MAP3K2: variants seen among roughly 807,000 people sequenced by gnomAD.
The protein encoded by MAP3K2 is MAP/ERK kinase kinase 2.
MAP3K2 carries 24 observed loss-of-function variants against 80.3 expected under a neutral mutation model. That is an observed-to-expected ratio of 0.30 (90% CI 0.22 to 0.42). The LOEUF (loss-of-function observed/expected upper bound fraction) is 0.42. Ranked by LOEUF, MAP3K2 falls within the 10% of genes least tolerant of loss-of-function variation. The probability of loss-of-function intolerance (pLI) is 1.00; values close to 1 mark genes in which losing one functional copy is unlikely to be tolerated. For missense variants in MAP3K2, 608 were observed against 750.1 expected (o/e 0.81, Z 2.21); for synonymous variants, 244 against 253.7 (o/e 0.96, Z 0.36).
rs1270815805 is a variant in MAP3K2 at position 127,299,242 on chromosome 2, A to T, written c.*8337T>A. 1 of 152,192 alleles carries T rather than the reference A, an allele frequency of 6.6e-6. No homozygotes were observed. Among genetic ancestry groups the T allele is most frequent in the Non-Finnish European group, 1.5e-5 (1 of 68,026 alleles). The allele number at this position is 152,192 out of a possible 1,614,324, so 9.4% of individuals were successfully genotyped here. A position where few individuals can be genotyped will look rare whatever the true frequency, so the allele number is the denominator to read the frequency against. ...TTAAAACAAAGTTTTCTTTAATACTACATTGTCTGATTGGAAATTTCATTT... is the reference window on the plus strand; with the variant it reads ...TTAAAACAAAGTTTTCTTTAATACTTCATTGTCTGATTGGAAATTTCATTT... On this transcript the variant is annotated 3_prime_UTR_variant, in exon 17 of 17. Coordinates refer to ENST00000682094, the MANE Select transcript of MAP3K2 (RefSeq NM_001371910.2).
rs944689371 is a variant in MAP3K2 at position 127,308,866 on chromosome 2, C to T, written c.1457-104G>A. The T allele has an allele frequency of 4.6e-5, 57 of 1,227,856 alleles. No homozygotes were observed. In the African/African-American group the frequency reaches 7.5e-4, roughly 16 times the overall value. The allele number at this position is 1,227,856 out of a possible 1,614,324, so 76.1% of individuals were successfully genotyped here. On this transcript the variant is annotated intron_variant, in intron 15 of 16. Transcript: ENST00000682094. ...TTACTTCATAGACTCTTTGATTTGT[C>T]CCCAAAGTTAGGCTGCTTTTCATCC...
intron 13 of MAP3K2, 107 bp downstream of exon 13, chr2:127,318,062 T>TTA: frequency 1.1e-6 from 1 of 900,488 alleles, no homozygotes; most frequent in Non-Finnish European, 1.5e-6. Context: ...TTTTTTTTTT[T>TTA]GAAAAAAAAT....
chr2:127,335,684 C>T lies in MAP3K2; in HGVS notation c.264+186G>A, dbSNP rs546905485. On this transcript the variant is annotated intron_variant, in intron 5 of 16. Transcript: ENST00000682094. ...TCATTCAATTATTTGCATAGTAGCA[C>T]CCTCTATTATTTTCCACAATGAAAT... Among the ~76,000 whole-genome samples the T allele has an allele frequency of 2.0e-5, 3 of 152,310 alleles. No individual in the cohort carries two copies. The South Asian group carries it at 6.2e-4, about 32-fold the overall frequency.
chr2:127,340,035 C>G (rs1441897861), intron 2 of MAP3K2, among the ~76,000 whole-genome samples: 1 of 152,152 alleles, frequency 6.6e-6, no homozygotes, highest in Non-Finnish European at 1.5e-5. Flanking sequence ...CTCAAACACA[C>G]AAACAGCTGA....
At chr2:127,319,336 C>A (rs1490059103) in intron 12 of MAP3K2, among the ~76,000 whole-genome samples, 1 of 151,662 alleles carries the variant, frequency 6.6e-6, no homozygotes, top group Non-Finnish European at 1.5e-5. Flanking sequence ...GGAAGGTGGG[C>A]AAGCCCATCT....
At chr2:127,387,289 T>G (rs1687372480) in intron 1 of MAP3K2, among the ~76,000 whole-genome samples, 163 bp downstream of exon 1, 1 of 151,390 alleles carries the variant, frequency 6.6e-6, no homozygotes, top group African/African-American at 2.4e-5. Flanking sequence ...AGGTCCGCCC[T>G]CCCGCAGCTA....
intron 1 of MAP3K2, among the ~76,000 whole-genome samples, chr2:127,351,225 T>C (rs1686686138): frequency 6.6e-6 from 1 of 152,162 alleles, no homozygotes; most frequent in African/African-American, 2.4e-5. Context: ...GTGGATTAGA[T>C]GATATAATCC....
At chr2:127,330,649 A>G in intron 5 of MAP3K2, 144 bp from the exon 6 acceptor site, 2 of 467,498 alleles carry the variant, frequency 4.3e-6, no homozygotes, top group Non-Finnish European at 7.7e-6. Context: ...GTGTATGTGT[A>G]TATTGTTTTG....
rs1355533019 is a variant in MAP3K2, at chr2:127,323,851, TG to T, written c.838+50del. 8.1e-6 allele frequency: 7 copies of T among 864,316 alleles called. No individual in the cohort carries two copies. The East Asian group carries it at 1.4e-4, about 17-fold the overall frequency. 53.5% of individuals were successfully genotyped at this position (864,316 alleles called of 1,614,324 possible). On this transcript the variant is annotated intron_variant, in intron 11 of 16. Transcript: ENST00000682094. ...TTTAAAAAATTTTTGTATTTATTTTTGTTGTTGAGATTTTTTAACTATTCTT... is the reference window on the plus strand; with the variant it reads ...TTTAAAAAATTTTTGTATTTATTTTTTTGTTGAGATTTTTTAACTATTCTT...
chr2:127,331,853 G>A (rs1244585424), intron 5 of MAP3K2, among the ~76,000 whole-genome samples: 2 of 152,158 alleles, frequency 1.3e-5, no homozygotes, highest in African/African-American at 2.4e-5. Flanking sequence ...TTATCTGCCC[G>A]CCTGGGCCTT....
intron 2 of MAP3K2, among the ~76,000 whole-genome samples, chr2:127,342,106 T>C (rs1686504453): frequency 6.6e-6 from 1 of 152,102 alleles, no homozygotes; most frequent in Non-Finnish European, 1.5e-5. Flanking sequence ...CAAAAATAAA[T>C]TTGATCGATA....
intron 1 of MAP3K2, among the ~76,000 whole-genome samples, chr2:127,382,063 TAAC>T (rs1191899024): frequency 6.6e-6 from 1 of 152,198 alleles, no homozygotes; most frequent in African/African-American, 2.4e-5. Context: ...CAAAAAGCCT[TAAC>T]AACTAAATGC....
At chr2:127,350,050 C>T (rs1028266377) in intron 1 of MAP3K2, among the ~76,000 whole-genome samples, 5 of 151,992 alleles carry the variant, frequency 3.3e-5, no homozygotes, top group African/African-American at 7.3e-5. Context: ...AGTTTTGCCA[C>T]GCTGCCCTGA....
At chr2:127,316,412 T>A (rs1475540130) in intron 14 of MAP3K2, among the ~76,000 whole-genome samples, 2 of 152,200 alleles carry the variant, frequency 1.3e-5, no homozygotes, top group Non-Finnish European at 2.9e-5. Flanking sequence ...CATGTATTTT[T>A]AAATAAGTAA....
intron 1 of MAP3K2, among the ~76,000 whole-genome samples, chr2:127,374,924 A>C (rs1174149393): frequency 6.6e-6 from 1 of 152,212 alleles, no homozygotes; most frequent in Non-Finnish European, 1.5e-5. Context: ...CTCAGAAAAC[A>C]AAAAAGGGGG....
At chr2:127,368,432 C>A (rs539695712) in intron 1 of MAP3K2, among the ~76,000 whole-genome samples, 3 of 152,232 alleles carry the variant, frequency 2.0e-5, no homozygotes, top group Admixed American at 1.3e-4. Context: ...ACCATCCTGG[C>A]CAACATGGTG....
rs967940683 is a variant in MAP3K2 at position 127,312,789 on chromosome 2, C to T, written c.1456+1965G>A. ...ACCAGCCTGACCAACATGGAGAAAC[C>T]CCGTCTCTACTAAAAATACAAAATT... On this transcript the variant is annotated intron_variant, in intron 15 of 16. Transcript: ENST00000682094. Among the ~76,000 whole-genome samples, 17 of 152,152 alleles carry T rather than the reference C, an allele frequency of 1.1e-4. No homozygotes were observed. In the South Asian group the frequency reaches 1.2e-3, roughly 11 times the overall value.
chr2:127,325,926 T>C (rs1368311161), intron 8 of MAP3K2, 119 bp from the exon 9 acceptor site: 3 of 680,902 alleles, frequency 4.4e-6, no homozygotes, highest in Non-Finnish European at 7.7e-6. Flanking sequence ...ATTTAAAGTA[T>C]ACAAGTCAAG....
chr2:127,354,614 C>T (rs11692990), intron 1 of MAP3K2, among the ~76,000 whole-genome samples: 37,426 of 151,792 alleles, frequency 0.25, 4,905 homozygotes, highest in Middle Eastern at 0.31. Context: ...AAGAGCAAGA[C>T]GCAAAGGATC....
Sources: allele counts gnomAD v4.1 joint callset (sites outside exome capture counted in the v4.1 genomes callset), GRCh38; gene constraint gnomAD v4.1.1; transcripts MANE v1.5; gene names NCBI Gene and HGNC (gene_info 2026-07-23, HGNC 2026-07-21).